The following UMAD1 variants were observed in gnomAD, a reference collection of about 807,000 sequenced individuals.
The protein encoded by UMAD1 is UBAP1-MVB12-associated (UMA) domain containing 1, also known as UBAP1-MVB12-associated (UMA)-domain containing protein 1.
In UMAD1, 8 loss-of-function variants were observed where a neutral mutation model predicts 6.1. The observed-to-expected ratio is 1.30, with a 90% confidence interval of 0.76 to 2.35. UMAD1 has a LOEUF of 2.35. UMAD1 is among the 30% of genes most tolerant of loss of function. The pLI is 0.00. For missense variants in UMAD1, 130 were observed against 78.4 expected, an observed-to-expected ratio of 1.66 and a Z score of -2.49; for synonymous variants, 56 against 31.4, an observed-to-expected ratio of 1.78 and a Z score of -2.61.
chr7:7,747,992 A>G (rs1781604991), intron 2 of UMAD1, among the ~76,000 whole-genome samples: 1 of 152,186 alleles, frequency 6.6e-6, no homozygotes, highest in African/African-American at 2.4e-5. Context: ...TTTTGTTTAC[A>G]GTGGCGTGAT....
intron 1 of UMAD1, among the ~76,000 whole-genome samples, chr7:7,651,855 C>A (rs575177461): frequency 6.6e-6 from 1 of 152,214 alleles, no homozygotes; most frequent in South Asian, 2.1e-4. Flanking sequence ...GAAATTCAAC[C>A]TTCTTTCTTT....
At chr7:7,849,365 G>C (rs191474813) in intron 3 of UMAD1, among the ~76,000 whole-genome samples, 54 of 152,286 alleles carry the variant, frequency 3.5e-4, no homozygotes, top group Admixed American at 1.6e-3. Context: ...ATGGGGAGCT[G>C]TTAACTACTA....
chr7:7,660,621 C>T (rs1463478061), intron 1 of UMAD1, among the ~76,000 whole-genome samples: 3 of 152,142 alleles, frequency 2.0e-5, no homozygotes, highest in African/African-American at 4.8e-5. Flanking sequence ...AGAATGTTGA[C>T]TATTGGCCCC....
chr7:7,867,055 T>C (rs1178837197), intron 3 of UMAD1, among the ~76,000 whole-genome samples: 1 of 152,206 alleles, frequency 6.6e-6, no homozygotes, highest in Non-Finnish European at 1.5e-5. Context: ...GATACAGGTT[T>C]CTGTGCTGGG....
intron 3 of UMAD1, among the ~76,000 whole-genome samples, chr7:7,864,429 C>T (rs1375099379): frequency 2.6e-5 from 4 of 151,922 alleles, no homozygotes; most frequent in Non-Finnish European, 4.4e-5. Flanking sequence ...AGGGGGTACC[C>T]AGAGCTGGAC....
At chr7:7,841,465 G>A (rs545450247) in intron 3 of UMAD1, among the ~76,000 whole-genome samples, 5 of 151,890 alleles carry the variant, frequency 3.3e-5, no homozygotes, top group African/African-American at 1.2e-4. Flanking sequence ...CTCCACACTC[G>A]GCTAATTTTT....
intron 2 of UMAD1, among the ~76,000 whole-genome samples, chr7:7,774,008 C>T (rs980473668): frequency 8.5e-5 from 13 of 152,180 alleles, no homozygotes; most frequent in Non-Finnish European, 1.2e-4. Flanking sequence ...TCACCACAGA[C>T]CCTAAGAAAA....
intron 2 of UMAD1, among the ~76,000 whole-genome samples, chr7:7,694,719 A>C (rs113028160): frequency 6.6e-6 from 1 of 152,168 alleles, no homozygotes; most frequent in South Asian, 2.1e-4. Context: ...ACAGGATCTC[A>C]TTCTTCTTTA....
intron 3 of UMAD1, among the ~76,000 whole-genome samples, chr7:7,808,298 G>A (rs1419273064): frequency 6.6e-6 from 1 of 151,956 alleles, no homozygotes; most frequent in Non-Finnish European, 1.5e-5. Flanking sequence ...CTTGGAGCCT[G>A]TAACTTACAG....
chr7:7,668,145 T>C (rs1342130833), intron 1 of UMAD1, among the ~76,000 whole-genome samples: 1 of 151,970 alleles, frequency 6.6e-6, no homozygotes, highest in Non-Finnish European at 1.5e-5. Context: ...ACTCTTGGGC[T>C]CAAGCAATTT....
At chr7:7,788,538 C>A (rs1288031807) in intron 2 of UMAD1, among the ~76,000 whole-genome samples, 6 of 152,062 alleles carry the variant, frequency 3.9e-5, no homozygotes, top group Non-Finnish European at 8.8e-5. Flanking sequence ...TTTTGGAATT[C>A]CTGAGGTCAG....
At chr7:7,818,670 C>T (rs1001101904) in intron 3 of UMAD1, among the ~76,000 whole-genome samples, 1 of 152,122 alleles carries the variant, frequency 6.6e-6, no homozygotes, top group African/African-American at 2.4e-5. Context: ...TGTATATACC[C>T]AAAGGAATAT....
intron 2 of UMAD1, among the ~76,000 whole-genome samples, chr7:7,705,373 TA>T (rs947105067): frequency 1.3e-5 from 2 of 152,214 alleles, no homozygotes; most frequent in Non-Finnish European, 2.9e-5. Flanking sequence ...CTTTGGAGTT[TA>T]AAAAGTAATT....
chr7:7,857,802 A>C lies in UMAD1; in HGVS notation c.157-19479A>C, dbSNP rs949735840. The stretch of plus-strand genomic sequence containing the variant: ...AACAATGTTTTTCCCCCTCCAAAAA[A>C]ATGGTGTCCTCCAGATTCCATCTGC... On this transcript the variant is annotated intron_variant, in intron 3 of 3. Transcript: ENST00000682710. Among the ~76,000 whole-genome samples, 6 of 152,236 alleles carry C rather than the reference A, an allele frequency of 3.9e-5. No homozygotes were observed. The East Asian group carries it at 1.2e-3, about 29-fold the overall frequency.
chr7:7,757,228 C>G (rs189832827), intron 2 of UMAD1, among the ~76,000 whole-genome samples: 1 of 152,168 alleles, frequency 6.6e-6, no homozygotes, highest in East Asian at 1.9e-4. Flanking sequence ...CTTCAAGACT[C>G]CCTGATCCTT....
intron 2 of UMAD1, among the ~76,000 whole-genome samples, chr7:7,701,495 T>G (rs559916832): frequency 1.3e-5 from 2 of 152,360 alleles, no homozygotes; most frequent in East Asian, 3.9e-4. Flanking sequence ...TGCTCACTCT[T>G]ACATGCTTGT....
intron 2 of UMAD1, among the ~76,000 whole-genome samples, chr7:7,760,602 A>C (rs1200621014): frequency 2.6e-5 from 4 of 152,120 alleles, no homozygotes; most frequent in African/African-American, 9.7e-5. Flanking sequence ...TACTGAATGT[A>C]ATTTAGCACT....
chr7:7,751,834 T>G (rs915129769), intron 2 of UMAD1, among the ~76,000 whole-genome samples: 2 of 152,184 alleles, frequency 1.3e-5, no homozygotes, highest in Non-Finnish European at 2.9e-5. Flanking sequence ...TTTGAGGAAT[T>G]TAAAGGTATT....
intron 2 of UMAD1, among the ~76,000 whole-genome samples, chr7:7,768,664 A>AT (rs776383629): frequency 6.6e-6 from 1 of 151,712 alleles, no homozygotes; most frequent in Non-Finnish European, 1.5e-5. Context: ...GACAAGTGTT[A>AT]TTTTTTTTCC....
Sources: gnomAD v4.1 joint callset for allele counts (sites outside exome capture counted in the v4.1 genomes callset) on GRCh38, gnomAD v4.1.1 for gene constraint, MANE v1.5 for transcripts, NCBI Gene and HGNC (gene_info 2026-07-23, HGNC 2026-07-21) for gene names.